The following INPP5D variants were observed in gnomAD, a reference collection of about 807,000 sequenced individuals.
INPP5D encodes the protein inositol polyphosphate-5-phosphatase D.
A neutral mutation model predicts 122.9 loss-of-function variants in INPP5D; 33 were observed. The observed-to-expected ratio is 0.27, with a 90% CI of 0.20 to 0.36. The LOEUF (loss-of-function observed/expected upper bound fraction) is 0.36. INPP5D is among the 10% of genes least tolerant of loss of function. The pLI is 1.00. For synonymous variants in INPP5D, 584 were observed against 576.2 expected, an observed-to-expected ratio of 1.01 and a Z score of -0.19; for missense variants, 1,053 against 1,412.7, an observed-to-expected ratio of 0.75 and a Z score of 4.08.
chr2:233,123,010 C>T (rs1693037450), intron 3 of INPP5D, among the ~76,000 whole-genome samples: 1 of 152,178 alleles, frequency 6.6e-6, no homozygotes, highest in African/African-American at 2.4e-5. Context: ...CAGCTACGGT[C>T]ATTAGCATGA....
Position 233,122,274 on chromosome 2 carries a change from A to C in INPP5D, c.349+17A>C. ...AGGACACAGGTAGGGAGGGAGGGAC[A>C]GGACGGCAGGAGGTACTTTTGGGAA... is the stretch of plus-strand genomic sequence containing the variant. On this transcript the variant is annotated intron_variant, in intron 3 of 26. Transcript: ENST00000445964. 6.2e-7 allele frequency: 1 copy of C among 1,609,990 alleles called. No homozygotes were observed. The highest frequency in any genetic ancestry group is 8.5e-7 in the Non-Finnish European group (1 of 1,177,904).
intron 5 of INPP5D, among the ~76,000 whole-genome samples, chr2:233,137,853 A>AAAAAAAT (rs1693518433): frequency 7.2e-5 from 2 of 27,724 alleles, no homozygotes; most frequent in African/African-American, 1.2e-4. Context: ...AAAAAAAAAA[A>AAAAAAAT]ATATATATAT....
At chr2:233,133,293 TTGGG>T (rs1693381517) in intron 5 of INPP5D, among the ~76,000 whole-genome samples, 2 of 152,122 alleles carry the variant, frequency 1.3e-5, no homozygotes, top group East Asian at 3.9e-4. Flanking sequence ...GGAAGAGACA[TTGGG>T]TGGGAGAGTG....
At chr2:233,202,525 G>A (rs563410238) in intron 25 of INPP5D, among the ~76,000 whole-genome samples, 95 of 152,256 alleles carry the variant, frequency 6.2e-4, no homozygotes, top group Middle Eastern at 3.4e-3. Context: ...ACGACATCCC[G>A]CCTTTGTCCC....
At chr2:233,136,430 G>T (rs540270707) in intron 5 of INPP5D, among the ~76,000 whole-genome samples, 1 of 152,012 alleles carries the variant, frequency 6.6e-6, no homozygotes, top group East Asian at 1.9e-4. Context: ...AGTGAGCCGA[G>T]ATGGTGCCAC....
chr2:233,154,893 T>C (rs902142268), intron 9 of INPP5D, among the ~76,000 whole-genome samples: 1 of 152,260 alleles, frequency 6.6e-6, no homozygotes, highest in Non-Finnish European at 1.5e-5. Flanking sequence ...CCAGCCTTTG[T>C]ATAAGGGCAC....
intron 1 of INPP5D, 91 bp downstream of exon 1, chr2:233,060,703 G>A (rs1691048275): frequency 2.0e-6 from 3 of 1,505,106 alleles, no homozygotes; most frequent in African/African-American, 1.4e-5. Context: ...TTATGTCACA[G>A]GACAGAGTGA....
At chr2:233,150,863 G>A (rs1444972667) in intron 9 of INPP5D, among the ~76,000 whole-genome samples, 1 of 152,190 alleles carries the variant, frequency 6.6e-6, no homozygotes, top group African/African-American at 2.4e-5. Flanking sequence ...CTCTGACCGG[G>A]ATTTGAAGGA....
Position 233,103,406 on chromosome 2 carries a change from CCAG to C in INPP5D, c.199-18698_199-18696del, listed in dbSNP as rs1692373191. 2.0e-5 allele frequency among the ~76,000 whole-genome samples: 3 copies of C among 152,190 alleles called. No individual in the cohort carries two copies. The South Asian group carries it at 6.2e-4, about 31-fold the overall frequency. Reference sequence around the variant, plus strand: ...GGTCTATGTTCCTGGGTTTCTCTATCCAGCACAGATGTTGAGAGAGACGGGAGG... The same window carrying C: ...GGTCTATGTTCCTGGGTTTCTCTATCCACAGATGTTGAGAGAGACGGGAGG... On this transcript the variant is annotated intron_variant, in intron 2 of 26. Coordinates refer to ENST00000445964, the MANE Select transcript of INPP5D (RefSeq NM_001017915.3).
At position 233,104,006 on chromosome 2, in the gene INPP5D, C is replaced by CTT. The variant is rs5839471; in HGVS notation, c.199-18080_199-18079dup. 7.8e-3 allele frequency among the ~76,000 whole-genome samples: 640 copies of CTT among 81,802 alleles called. 28 individuals are homozygous for CTT. The highest frequency in any genetic ancestry group is 0.032 in the East Asian group (92 of 2,918). 53.7% of individuals were successfully genotyped at this position (81,802 alleles called of 152,430 possible). A position where few individuals can be genotyped will look rare whatever the true frequency, so the allele number is the denominator to read the frequency against. ...ACTGGTGTGAGCCACTGTGCCCTGC[C>CTT]TTTTTTTTTTTTTTTTTTTTTTGAG... On this transcript the variant is annotated intron_variant, in intron 2 of 26. Transcript: ENST00000445964.
In INPP5D at chr2:233,117,689, C is replaced by T. The variant is rs1054997640; in HGVS notation, c.199-4418C>T. Among the ~76,000 whole-genome samples, 10 of 152,174 alleles carry T rather than the reference C, an allele frequency of 6.6e-5. 1 individual carries two copies. Among genetic ancestry groups the T allele is most frequent in the African/African-American group, 2.2e-4 (9 of 41,426 alleles). ...CCTACATGTTCTCCCCAAGTTCCCCCGTTTAATGAGACATCTGCCTCCTGC... is the reference window on the plus strand; with the variant it reads ...CCTACATGTTCTCCCCAAGTTCCCCTGTTTAATGAGACATCTGCCTCCTGC... On this transcript the variant is annotated intron_variant, in intron 2 of 26. Coordinates refer to ENST00000445964, the MANE Select transcript of INPP5D (RefSeq NM_001017915.3).
chr2:233,169,483 C>A, intron 14 of INPP5D, 82 bp downstream of exon 14: 1 of 1,536,354 alleles, frequency 6.5e-7, no homozygotes, highest in Non-Finnish European at 8.8e-7. Flanking sequence ...ACCAGAAGGA[C>A]CTGCTCAGCT....
chr2:233,115,156 C>T (rs997720211), intron 2 of INPP5D, among the ~76,000 whole-genome samples: 15 of 152,194 alleles, frequency 9.9e-5, no homozygotes, highest in African/African-American at 3.6e-4. Flanking sequence ...CGTGAGCCAT[C>T]GCGCCTGGCC....
intron 2 of INPP5D, 28 bp downstream of exon 2, chr2:233,079,426 G>T: frequency 7.2e-7 from 1 of 1,396,314 alleles, no homozygotes; most frequent in South Asian, 1.2e-5. Flanking sequence ...CTAGAAATCT[G>T]AACCTGACTT....
chr2:233,105,873 G>T lies in INPP5D; in HGVS notation c.199-16234G>T, dbSNP rs1692453389. 6.6e-6 allele frequency among the ~76,000 whole-genome samples: 1 copy of T among 152,162 alleles called. No individual in the cohort carries two copies. The stretch of plus-strand genomic sequence containing the variant: ...TGGAGAGATGGTGGGGTCCAAAGAG[G>T]CCCGAAGGCCTGCACAGGGGATGAG... On this transcript the variant is annotated intron_variant, in intron 2 of 26. Coordinates refer to ENST00000445964, the MANE Select transcript of INPP5D (RefSeq NM_001017915.3). The surrounding 1 kb of genome is among the most constrained non-coding windows in gnomAD (Gnocchi z 4.0).
chr2:233,164,133 CTT>C lies in INPP5D; in HGVS notation c.1438-172_1438-171del, dbSNP rs760354549. Among the ~76,000 whole-genome samples, 2 of 152,164 alleles carry C rather than the reference CTT, an allele frequency of 1.3e-5. No individual in the cohort carries two copies. The highest frequency in any genetic ancestry group is 4.8e-5 in the African/African-American group (2 of 41,434). On this transcript the variant is annotated intron_variant, in intron 12 of 26. Coordinates refer to ENST00000445964, the MANE Select transcript of INPP5D (RefSeq NM_001017915.3). The surrounding 1 kb of genome is among the most constrained non-coding windows in gnomAD (Gnocchi z 4.3). ...ACCCTTGGTCAGCCCCGGTTCTCAT[CTT>C]TAGGATGTTTTGTCTCGCCTATCAA...
intron 2 of INPP5D, among the ~76,000 whole-genome samples, chr2:233,121,074 T>C (rs1020219088): frequency 1.3e-5 from 2 of 151,832 alleles, no homozygotes; most frequent in Non-Finnish European, 2.9e-5. Context: ...AATAGGTATC[T>C]TGGGGTTGTG....
In INPP5D at chr2:233,204,326, G is replaced by A; in HGVS notation, c.3176G>A (p.Ser1059Asn). 6.2e-7 allele frequency: 1 copy of A among 1,611,660 alleles called. No homozygotes were observed. The highest frequency in any genetic ancestry group is 8.5e-7 in the Non-Finnish European group (1 of 1,179,098). Reference sequence around the variant, plus strand: ...CCGGAACCCGGCATCTTGTCGCCCAGCATCGTGCTCACCAAAGCCCAGGAG... The same window carrying A: ...CCGGAACCCGGCATCTTGTCGCCCAACATCGTGCTCACCAAAGCCCAGGAG... ...PCPEPGILSP[S>N]IVLTKAQEAD... The change falls in exon 26 of 27, where the codon AGC becomes AAC. Residue 1059 changes from serine to asparagine, a missense_variant. By Grantham distance (46) the Ser-to-Asn change is conservative (BLOSUM62 1). Transcript: ENST00000445964.
intron 2 of INPP5D, among the ~76,000 whole-genome samples, chr2:233,097,843 C>T (rs1692189941): frequency 6.6e-6 from 1 of 151,626 alleles, no homozygotes. Context: ...TGGGACCCGC[C>T]GTGCAATGCT....
Sources: gnomAD v4.1 joint callset for allele counts (sites outside exome capture counted in the v4.1 genomes callset) on GRCh38, gnomAD v4.1.1 for gene constraint, Gnocchi (gnomAD v3.1) non-coding constraint, MANE v1.5 for transcripts, NCBI Gene and HGNC (gene_info 2026-07-23, HGNC 2026-07-21) for gene names.